SMG6: variants seen among roughly 807,000 people sequenced by gnomAD.
SMG6 encodes the protein telomerase-binding protein EST1A.
A neutral mutation model predicts 142.2 loss-of-function variants in SMG6; 66 were observed. That is an observed-to-expected ratio of 0.46 (90% confidence interval 0.38 to 0.57). SMG6 has a LOEUF of 0.57. SMG6 is among the 20% of genes least tolerant of loss of function. The pLI is 0.00. For synonymous variants in SMG6, 779 were observed against 702.4 expected (o/e 1.11, Z -1.72); for missense variants, 1,793 against 1,832.0 (o/e 0.98, Z 0.39).
chr17:2,287,269 A>T (rs2151386415), intron 6 of SMG6, among the ~76,000 whole-genome samples: 1 of 152,356 alleles, frequency 6.6e-6, no homozygotes, highest in South Asian at 2.1e-4. Context: ...ATTTCTCCAA[A>T]GATGATATGC....
chr17:2,180,025 C>G (rs1259073284), intron 12 of SMG6, among the ~76,000 whole-genome samples: 4 of 152,202 alleles, frequency 2.6e-5, no homozygotes, highest in African/African-American at 7.2e-5. Flanking sequence ...TTGGCCTCAG[C>G]AGAGACTGAA....
intron 8 of SMG6, among the ~76,000 whole-genome samples, chr17:2,271,049 A>G (rs1334766487): frequency 2.6e-5 from 4 of 151,772 alleles, no homozygotes; most frequent in Non-Finnish European, 5.9e-5. Context: ...CCTGTATCCC[A>G]GCACTTTGGG....
intron 8 of SMG6, among the ~76,000 whole-genome samples, chr17:2,257,743 G>A (rs1388858282): frequency 6.6e-6 from 1 of 151,890 alleles, no homozygotes; most frequent in East Asian, 1.9e-4. Context: ...TCCTGGCTGG[G>A]CCTGGTGGCT....
intron 13 of SMG6, among the ~76,000 whole-genome samples, chr17:2,130,952 G>A (rs553045242): frequency 7.9e-5 from 12 of 152,084 alleles, no homozygotes; most frequent in East Asian, 7.8e-4. Context: ...GCAGTGAGCC[G>A]AGATCACGCC....
At chr17:2,246,774 C>T (rs1361423637) in intron 8 of SMG6, among the ~76,000 whole-genome samples, 1 of 151,868 alleles carries the variant, frequency 6.6e-6, no homozygotes. Flanking sequence ...GGTGAAACCC[C>T]GTCTCTACTA....
chr17:2,129,016 G>A (rs2151540512), intron 13 of SMG6, among the ~76,000 whole-genome samples: 1 of 152,218 alleles, frequency 6.6e-6, no homozygotes, highest in Middle Eastern at 3.4e-3. Flanking sequence ...AGAGTACACT[G>A]GACTATTTTA....
rs762821855 is a variant in SMG6, at chr17:2,300,658, ATGT to A, written c.92_94del (p.Asn31del). ...CGGCCTGGCCTCCTTTAATTCCTTC[ATGT>A]TTTCTGTTATGTCGGGGAAAGAGTT... On this transcript the variant is annotated inframe_deletion, in exon 2 of 19. Transcript: ENST00000263073. 6.3e-7 allele frequency: 1 copy of A among 1,576,626 alleles called. No homozygotes were observed. Among genetic ancestry groups the A allele is most frequent in the Non-Finnish European group, 8.6e-7 (1 of 1,165,112 alleles).
At chr17:2,067,425 C>A (rs1440688002) in intron 16 of SMG6, among the ~76,000 whole-genome samples, 1 of 152,150 alleles carries the variant, frequency 6.6e-6, no homozygotes, top group Non-Finnish European at 1.5e-5. Flanking sequence ...TCAGTTGTAC[C>A]CTTTCCTGAC....
At chr17:2,117,412 G>A (rs2069542144) in intron 13 of SMG6, among the ~76,000 whole-genome samples, 1 of 151,990 alleles carries the variant, frequency 6.6e-6, no homozygotes, top group Non-Finnish European at 1.5e-5. Flanking sequence ...CCCAAATAAT[G>A]CGCAAATAAC....
At chr17:2,152,804 C>T (rs958798971) in intron 13 of SMG6, among the ~76,000 whole-genome samples, 5 of 152,172 alleles carry the variant, frequency 3.3e-5, no homozygotes, top group African/African-American at 9.7e-5. Context: ...ATAAACCACC[C>T]GTTCCACTCC....
intron 13 of SMG6, among the ~76,000 whole-genome samples, chr17:2,117,262 C>T (rs2069537128): frequency 6.6e-6 from 1 of 151,924 alleles, no homozygotes; most frequent in African/African-American, 2.4e-5. Flanking sequence ...AGCAAGGATG[C>T]CTGCTCTCAC....
intron 12 of SMG6, 46 bp from the exon 13 acceptor site, chr17:2,172,905 G>GT (rs761741860): frequency 2.6e-6 from 4 of 1,538,122 alleles, no homozygotes; most frequent in South Asian, 1.1e-5. Flanking sequence ...AGAGGGACCA[G>GT]TAAAAAAAAG....
chr17:2,137,669 A>G (rs4349181), intron 13 of SMG6, among the ~76,000 whole-genome samples: 51,232 of 151,870 alleles, frequency 0.34, 9,203 homozygotes, highest in African/African-American at 0.46. Flanking sequence ...GAATGACCCC[A>G]GCAAGCAGAA....
chr17:2,086,469 C>T (rs748395188), intron 13 of SMG6, among the ~76,000 whole-genome samples: 4 of 152,152 alleles, frequency 2.6e-5, no homozygotes, highest in Non-Finnish European at 5.9e-5. Flanking sequence ...TCCTCATGCT[C>T]AAGAGACTAG....
intron 13 of SMG6, among the ~76,000 whole-genome samples, chr17:2,162,645 C>T (rs932168189): frequency 7.9e-5 from 12 of 151,272 alleles, no homozygotes; most frequent in Non-Finnish European, 1.8e-4. Context: ...GCCTGAGGAA[C>T]ACAGCTGAGA....
At chr17:2,201,989 A>G (rs2072541664) in intron 10 of SMG6, among the ~76,000 whole-genome samples, 1 of 151,896 alleles carries the variant, frequency 6.6e-6, no homozygotes, top group Non-Finnish European at 1.5e-5. Flanking sequence ...ATGCCGCTGC[A>G]CTCCAGCTGG....
Position 2,202,712 on chromosome 17 carries a change from C to A in SMG6, c.2870-14197G>T, listed in dbSNP as rs73979426. On this transcript the variant is annotated intron_variant, in intron 10 of 18. Transcript: ENST00000263073. ...ACAAAGCCTTGGACAAGGTGTTTTGCGTATTTTATCTAACACTCAGAAAAC... is the reference window on the plus strand; with the variant it reads ...ACAAAGCCTTGGACAAGGTGTTTTGAGTATTTTATCTAACACTCAGAAAAC... Among the ~76,000 whole-genome samples, 414 of 152,240 alleles carry A rather than the reference C, an allele frequency of 2.7e-3. 4 individuals are homozygous for A. Among genetic ancestry groups the A allele is most frequent in the Admixed American group, 8.5e-3 (130 of 15,290 alleles).
chr17:2,137,711 G>C (rs528442218), intron 13 of SMG6, among the ~76,000 whole-genome samples: 14 of 152,268 alleles, frequency 9.2e-5, no homozygotes, highest in Non-Finnish European at 1.6e-4. Flanking sequence ...GAGAGAACTT[G>C]ATGGGAATTG....
At chr17:2,102,528 A>AT (rs374584197) in intron 13 of SMG6, among the ~76,000 whole-genome samples, 27,949 of 81,662 alleles carry the variant, frequency 0.34, 6,028 homozygotes, top group African/African-American at 0.51. Flanking sequence ...TGCTAATTTC[A>AT]TTTTTTTTTT....
Sources: gnomAD v4.1 joint callset for allele counts (sites outside exome capture counted in the v4.1 genomes callset) on GRCh38, gnomAD v4.1.1 for gene constraint, MANE v1.5 for transcripts, NCBI Gene and HGNC (gene_info 2026-07-23, HGNC 2026-07-21) for gene names.